STK11: variants seen among roughly 807,000 people sequenced by gnomAD.
STK11 encodes the protein serine/threonine-protein kinase STK11.
Under a neutral mutation model 47.3 loss-of-function variants are expected in STK11, and 8 were observed. The observed-to-expected ratio is 0.17, with a 90% CI of 0.10 to 0.31. The LOEUF (loss-of-function observed/expected upper bound fraction) is 0.31. Among genes scored for constraint, STK11 ranks in the 10% least tolerant of loss-of-function variants. The pLI, the probability that STK11 is intolerant of heterozygous loss-of-function variation, is 1.00. For missense variants in STK11, 475 were observed against 605.0 expected, an observed-to-expected ratio of 0.79 and a Z score of 2.25; for synonymous variants, 330 against 255.8, an observed-to-expected ratio of 1.29 and a Z score of -2.77.
intron 8 of STK11, chr19:1,226,222 G>T: frequency 7.2e-7 from 1 of 1,380,244 alleles, no homozygotes; most frequent in South Asian, 1.7e-5. Context: ...AACAGACGTG[G>T]TGGAGGGGAC....
chr19:1,227,520 C>T, intron 9 of STK11, 73 bp from the exon 10 acceptor site: 1 of 1,060,774 alleles, frequency 9.4e-7, no homozygotes, highest in Non-Finnish European at 1.1e-6. Context: ...GCTTCTCCAT[C>T]CTCCCAGGGG....
At chr19:1,223,320 C>CTT in intron 8 of STK11, 148 bp downstream of exon 8, 2 of 1,044,354 alleles carry the variant, frequency 1.9e-6, no homozygotes, top group Non-Finnish European at 2.8e-6. Flanking sequence ...CACCTGCAGG[C>CTT]TGCCTCCGCC....
chr19:1,219,254 T>C (rs2145421905), intron 2 of STK11, 70 bp from the exon 3 acceptor site: 1 of 1,529,686 alleles, frequency 6.5e-7, no homozygotes, highest in Non-Finnish European at 8.9e-7. Context: ...AGAGCCCCTT[T>C]TCTGGCCCCC....
intron 6 of STK11, chr19:1,221,646 C>G: frequency 1.7e-6 from 1 of 587,312 alleles, no homozygotes. Context: ...TCCTGCTGCA[C>G]TTCCTACGCA....
intron 1 of STK11, among the ~76,000 whole-genome samples, chr19:1,211,230 GCAT>G (rs1173426411): frequency 4.6e-5 from 7 of 152,256 alleles, no homozygotes; most frequent in Non-Finnish European, 8.8e-5. Context: ...AGCCGAGATC[GCAT>G]CATTGCATTC....
chr19:1,226,380 G>C, intron 8 of STK11, 74 bp from the exon 9 acceptor site: 12 of 1,558,306 alleles, frequency 7.7e-6, no homozygotes, highest in Non-Finnish European at 1.0e-5. Flanking sequence ...TCCCCGTGGT[G>C]GGGGCCAGCC....
chr19:1,208,109 A>G (rs1414162196), intron 1 of STK11, among the ~76,000 whole-genome samples: 3 of 152,080 alleles, frequency 2.0e-5, no homozygotes, highest in African/African-American at 7.2e-5. Context: ...TGTTTCCAAG[A>G]AAGGACCTTA....
intron 3 of STK11, 141 bp downstream of exon 3, chr19:1,219,554 G>GT (rs1048361176): frequency 4.0e-5 from 37 of 916,654 alleles, no homozygotes; most frequent in Non-Finnish European, 5.1e-5. Context: ...GTTTTTTTGT[G>GT]TTTTTTTTCG....
chr19:1,215,405 C>T (rs1196222226), intron 1 of STK11, among the ~76,000 whole-genome samples: 1 of 152,244 alleles, frequency 6.6e-6, no homozygotes, highest in Non-Finnish European at 1.5e-5. Context: ...CGACAGGGCA[C>T]CGGGCACAGC....
chr19:1,227,684 T>A lies in STK11; in HGVS notation c.*108T>A. The A allele has an allele frequency of 9.4e-7, 1 of 1,069,272 alleles. No homozygotes were observed. Among genetic ancestry groups the A allele is most frequent in the Non-Finnish European group, 1.1e-6 (1 of 881,734 alleles). The allele number at this position is 1,069,272 out of a possible 1,614,324, so 66.2% of individuals were successfully genotyped here. A position where few individuals can be genotyped will look rare whatever the true frequency, so the allele number is the denominator to read the frequency against. ...CCTCCCGGAGAGGTGGCCGCCATGCTTCTGTGCCGACCACGCCCCAGGACC... is the reference window on the plus strand; with the variant it reads ...CCTCCCGGAGAGGTGGCCGCCATGCATCTGTGCCGACCACGCCCCAGGACC... On this transcript the variant is annotated 3_prime_UTR_variant, in exon 10 of 10. Transcript: ENST00000326873.
In STK11 at chr19:1,228,318, G is replaced by A. The variant is rs2080843947; in HGVS notation, c.*742G>A. 13 of 262,306 alleles carry A rather than the reference G, an allele frequency of 5.0e-5. 1 individual carries two copies. In the South Asian group the frequency reaches 2.1e-3, roughly 43 times the overall value. 16.2% of individuals were successfully genotyped at this position (262,306 alleles called of 1,614,324 possible). A position where few individuals can be genotyped will look rare whatever the true frequency, so the allele number is the denominator to read the frequency against. On this transcript the variant is annotated 3_prime_UTR_variant, in exon 10 of 10. Coordinates refer to ENST00000326873, the MANE Select transcript of STK11 (RefSeq NM_000455.5). ...GTCAATATTTATATCATCCAGAAAA[G>A]AAAAACACGAGAAACGCCATCGCGG...
At chr19:1,208,873 A>G (rs187138604) in intron 1 of STK11, among the ~76,000 whole-genome samples, 1 of 147,918 alleles carries the variant, frequency 6.8e-6, no homozygotes, top group African/African-American at 2.5e-5. Context: ...CACCTGCCTC[A>G]GCCTCCCAAA....
At chr19:1,221,857 G>A in intron 6 of STK11, 92 bp from the exon 7 acceptor site, 1 of 1,455,412 alleles carries the variant, frequency 6.9e-7, no homozygotes. Flanking sequence ...GTATCACCCA[G>A]GGCCTGACAA....
Position 1,206,953 on chromosome 19 carries a change from G to T in STK11, c.40G>T (p.Glu14Ter), listed in dbSNP as rs2145404557. The T allele has an allele frequency of 6.2e-7, 1 of 1,606,404 alleles. No individual in the cohort carries two copies. The highest frequency in any genetic ancestry group is 8.5e-7 in the Non-Finnish European group (1 of 1,176,756). ...VDPQQLGMFT[E>*]GELMSVGMDT... ...CCCGCAGCAGCTGGGCATGTTCACG[G>T]AGGGCGAGCTGATGTCGGTGGGTAT... is the stretch of plus-strand genomic sequence containing the variant. Residue 14 changes from glutamate (E) to a stop codon, truncating the protein, a stop_gained, in exon 1 of 10, where the codon GAG (glutamate) becomes TAG (stop). Transcript: ENST00000326873. LOFTEE classifies it high-confidence loss of function.
intron 6 of STK11, 62 bp downstream of exon 6, chr19:1,221,402 G>A (rs950800245): frequency 6.6e-7 from 1 of 1,512,320 alleles, no homozygotes; most frequent in Non-Finnish European, 8.9e-7. Context: ...CAGAAATGTA[G>A]GGTTGGGGGT....
At chr19:1,211,486 C>G (rs2080710287) in intron 1 of STK11, among the ~76,000 whole-genome samples, 1 of 151,824 alleles carries the variant, frequency 6.6e-6, no homozygotes. Flanking sequence ...GGCAGAAGGC[C>G]GCCATGCCTC....
At chr19:1,225,146 A>G (rs1229660123) in intron 8 of STK11, 1 of 985,364 alleles carries the variant, frequency 1.0e-6, no homozygotes, top group Non-Finnish European at 1.2e-6. Flanking sequence ...GCAAGGGCCC[A>G]GTGGCGGCTG....
At chr19:1,227,428 C>T (rs2080833024) in intron 9 of STK11, 165 bp from the exon 10 acceptor site, 4 of 662,876 alleles carry the variant, frequency 6.0e-6, no homozygotes, top group African/African-American at 1.9e-5. Context: ...ACACAATGTA[C>T]CCCGGGAGTG....
At chr19:1,209,984 A>G (rs1272721752) in intron 1 of STK11, among the ~76,000 whole-genome samples, 1 of 152,072 alleles carries the variant, frequency 6.6e-6, no homozygotes, top group East Asian at 1.9e-4. Flanking sequence ...TCAGCGTCCA[A>G]TTTCATCCTG....
Sources: allele counts gnomAD v4.1 joint callset (sites outside exome capture counted in the v4.1 genomes callset), GRCh38; gene constraint gnomAD v4.1.1; transcripts MANE v1.5; gene names NCBI Gene and HGNC (gene_info 2026-07-23, HGNC 2026-07-21).